The following TULP1 variants were observed in gnomAD, a reference collection of about 807,000 sequenced individuals.
TULP1 encodes the protein tubby-related protein 1.
A neutral mutation model predicts 67.1 loss-of-function variants in TULP1; 50 were observed. The ratio of observed to expected loss-of-function variants is 0.75; its 90% CI spans 0.59 to 0.94. TULP1 has a LOEUF of 0.94. Among genes scored for constraint, TULP1 ranks in the 40% least tolerant of loss-of-function variants. The pLI, the probability that TULP1 is intolerant of heterozygous loss-of-function variation, is 0.00. For missense variants in TULP1, 746 were observed against 734.1 expected (o/e 1.02, Z -0.19); for synonymous variants, 297 against 294.0 (o/e 1.01, Z -0.11).
intron 2 of TULP1, 90 bp downstream of exon 2, chr6:35,512,549 G>C (rs1761232492): frequency 7.7e-6 from 12 of 1,555,058 alleles, no homozygotes; most frequent in South Asian, 6.7e-5. Flanking sequence ...TGCTAAGGGG[G>C]ACCTGTCCCA....
rs201519151 is a variant in TULP1 at position 35,506,220 on chromosome 6, C to T, written c.829-47G>A. On this transcript the variant is annotated intron_variant, in intron 9 of 14. Transcript: ENST00000229771. ...ATCAGCCCCAGAGCACCAGCTCCCC[C>T]GCTCCCAGCAGGTCCCAGTGCTGAG... 132 of 1,610,220 alleles carry T rather than the reference C, an allele frequency of 8.2e-5. 1 individual carries two copies. The African/African-American group carries it at 1.4e-3, about 17-fold the overall frequency.
At chr6:35,512,013 ACCAACC>A (rs1176813227) in intron 3 of TULP1, 161 bp downstream of exon 3, 85 of 545,458 alleles carry the variant, frequency 1.6e-4, no homozygotes, top group Non-Finnish European at 1.8e-4. Context: ...CCCCTTCTAC[ACCAACC>A]CCAACCCCAA....
At chr6:35,508,273 C>T (rs973005058) in intron 8 of TULP1, among the ~76,000 whole-genome samples, 6 of 152,342 alleles carry the variant, frequency 3.9e-5, no homozygotes, top group East Asian at 1.9e-4. Flanking sequence ...GTTTGGAACA[C>T]GATGTGGAGA....
intron 4 of TULP1, 135 bp downstream of exon 4, chr6:35,511,513 A>T: frequency 7.2e-7 from 1 of 1,387,840 alleles, no homozygotes; most frequent in Non-Finnish European, 9.9e-7. Flanking sequence ...TACCTGGCTC[A>T]AAGATAAGGC....
chr6:35,503,522 C>T lies in TULP1; in HGVS notation c.1323+37G>A, dbSNP rs1194328461. Reference sequence around the variant, plus strand: ...GCTGAGCCCCGACTCCTGTTTCTCACATAGGGAGCCAGGGGCCAGGGAGGT... The same window carrying T: ...GCTGAGCCCCGACTCCTGTTTCTCATATAGGGAGCCAGGGGCCAGGGAGGT... On this transcript the variant is annotated intron_variant, in intron 13 of 14. Coordinates refer to ENST00000229771, the MANE Select transcript of TULP1 (RefSeq NM_003322.6). This position sits in a 1 kb window ranked among gnomAD's most constrained non-coding sequence, Gnocchi z 4.0. 1 of 1,545,848 alleles carries T rather than the reference C, an allele frequency of 6.5e-7. No homozygotes were observed. Among genetic ancestry groups the T allele is most frequent in the Non-Finnish European group, 8.8e-7 (1 of 1,142,218 alleles).
chr6:35,498,110 A>T lies in TULP1; in HGVS notation c.*217T>A, dbSNP rs1388865323. The T allele has an allele frequency of 1.4e-6, 1 of 718,214 alleles. No homozygotes were observed. Among genetic ancestry groups the T allele is most frequent in the Non-Finnish European group, 2.2e-6 (1 of 446,300 alleles). 44.5% of individuals were successfully genotyped at this position (718,214 alleles called of 1,614,324 possible). On this transcript the variant is annotated 3_prime_UTR_variant, in exon 15 of 15. Transcript: ENST00000229771. The surrounding 1 kb of genome is among the most constrained non-coding windows in gnomAD (Gnocchi z 6.7). The stretch of plus-strand genomic sequence containing the variant: ...ACCAGATGTGCGGCTCCAACTCCAG[A>T]TGTTCTTCATCTCCGTCCTACCCGC...
chr6:35,505,766 C>T lies in TULP1; in HGVS notation c.1087G>A (p.Gly363Arg), dbSNP rs1761067394. ...CTCAGCTTCCCGATGAAATTCTCCC[C>T]TCCTCGGGACAGATTGGTAGGGTCG... ...SIDPTNLSRG[G>R]ENFIGKLRSN... The change falls in exon 11 of 15, where the codon GGG (glycine) becomes AGG (arginine). Residue 363 changes from glycine (G) to arginine (R), a missense_variant. By Grantham distance (125) the Gly-to-Arg change is moderately radical. Coordinates refer to ENST00000229771, the MANE Select transcript of TULP1 (RefSeq NM_003322.6). 1.9e-6 allele frequency: 3 copies of T among 1,614,220 alleles called. No homozygotes were observed. Among genetic ancestry groups the T allele is most frequent in the African/African-American group, 2.7e-5 (2 of 75,052 alleles).
chr6:35,506,429 G>A, intron 8 of TULP1, 150 bp from the exon 9 acceptor site: 2 of 998,502 alleles, frequency 2.0e-6, no homozygotes, highest in South Asian at 2.8e-5. Flanking sequence ...ATTCTGCTTA[G>A]CTTGTGGATA....
rs1351264725 is a variant in TULP1, at chr6:35,503,046, TC to T, written c.1323+512del. Among the ~76,000 whole-genome samples the T allele has an allele frequency of 1.5e-4, 23 of 152,068 alleles. No individual in the cohort carries two copies. The highest frequency in any genetic ancestry group is 4.4e-5 in the Non-Finnish European group (3 of 68,020). Reference sequence around the variant, plus strand: ...TCCGCCTCCCAGGTTCACGCCATTCTCCTGCCTCAGCCTCCCAAGTAGCTGG... The same window carrying T: ...TCCGCCTCCCAGGTTCACGCCATTCTCTGCCTCAGCCTCCCAAGTAGCTGG... On this transcript the variant is annotated intron_variant, in intron 13 of 14. Coordinates refer to ENST00000229771, the MANE Select transcript of TULP1 (RefSeq NM_003322.6). This position sits in a 1 kb window ranked among gnomAD's most constrained non-coding sequence, Gnocchi z 4.0.
In TULP1 at chr6:35,503,848, C is replaced by G. The variant is rs1452630590; in HGVS notation, c.1113G>C (p.Arg371Ser). 1 of 1,605,550 alleles carries G rather than the reference C, an allele frequency of 6.2e-7. No individual in the cohort carries two copies. The highest frequency in any genetic ancestry group is 8.5e-7 in the Non-Finnish European group (1 of 1,178,434). Residue 371 changes from arginine (R) to serine (S), a missense_variant and splice_region_variant, in exon 12 of 15, where the codon AGG (arginine) becomes AGC (serine). Around this residue, in one of 3 missense-constraint regions of TULP1, gnomAD observed 383 missense variants for 374.1 expected, o/e 1.02. Transcript: ENST00000229771. The surrounding 1 kb of genome is among the most constrained non-coding windows in gnomAD (Gnocchi z 4.0). ...RGGENFIGKL[R>S]SNLLGNRFTV... is the part of the protein sequence containing the mutation. Reference sequence around the variant, plus strand: ...TGAAGCGGTTCCCCAGGAGGTTGGACCTGCAAGCAGGGTAGAGCTTGGGGT... The same window carrying G: ...TGAAGCGGTTCCCCAGGAGGTTGGAGCTGCAAGCAGGGTAGAGCTTGGGGT...
chr6:35,509,555 T>TA (rs767748410), intron 7 of TULP1, 79 bp downstream of exon 7: 74 of 1,421,804 alleles, frequency 5.2e-5, no homozygotes, highest in Non-Finnish European at 6.9e-5. Flanking sequence ...CACTGTCTTG[T>TA]ATGCTGTAAG....
In TULP1 at chr6:35,511,666, C is replaced by T. The variant is rs556979411; in HGVS notation, c.331G>A (p.Ala111Thr). The change falls in exon 4 of 15, where the codon GCC becomes ACC. Residue 111 changes from alanine to threonine, a missense_variant. Physicochemically the swap from Ala to Thr is moderately conservative, Grantham distance 58. Coordinates refer to ENST00000229771, the MANE Select transcript of TULP1 (RefSeq NM_003322.6). ...DPRETFLVARAPDAEDEEEEE... is the reference protein window; with the variant it reads ...DPRETFLVARTPDAEDEEEEE... ...CTCTCACCGTCCTCCGCGTCTGGGG[C>T]ACGGGCTACCAGAAAGGTTTCCCGG... The T allele has an allele frequency of 2.5e-6, 4 of 1,595,340 alleles. No homozygotes were observed. Among genetic ancestry groups the T allele is most frequent in the African/African-American group, 1.3e-5 (1 of 74,626 alleles).
chr6:35,504,887 C>T (rs1014812480), intron 11 of TULP1, among the ~76,000 whole-genome samples: 1 of 151,614 alleles, frequency 6.6e-6, no homozygotes, highest in African/African-American at 2.4e-5. Context: ...TAGAATCACA[C>T]CTGACACATA....
intron 7 of TULP1, 136 bp from the exon 8 acceptor site, chr6:35,509,448 G>T: frequency 9.1e-7 from 1 of 1,094,644 alleles, no homozygotes; most frequent in Non-Finnish European, 1.4e-6. Context: ...AGCCCAAAAA[G>T]GCTAAGACAC....
chr6:35,499,900 A>AG, intron 14 of TULP1, 81 bp downstream of exon 14: 1 of 1,480,662 alleles, frequency 6.8e-7, no homozygotes, highest in Non-Finnish European at 9.4e-7. Context: ...TGTGTGTGTG[A>AG]GGGGGTGAGG....
At chr6:35,506,356 T>C in intron 8 of TULP1, 77 bp from the exon 9 acceptor site, 1 of 1,540,278 alleles carries the variant, frequency 6.5e-7, no homozygotes, top group Non-Finnish European at 8.8e-7. Context: ...CTGCCCCTCA[T>C]GCTCCCTGGC....
rs1355415378 is a variant in TULP1, at chr6:35,498,227, C to A, written c.*100G>T. Reference sequence around the variant, plus strand: ...TGAGAGGTCAGCCCCGACACAGGAGCAGTTTTCCGCGGGAGCTTTGCTGGA... The same window carrying A: ...TGAGAGGTCAGCCCCGACACAGGAGAAGTTTTCCGCGGGAGCTTTGCTGGA... On this transcript the variant is annotated 3_prime_UTR_variant, in exon 15 of 15. Transcript: ENST00000229771. The surrounding 1 kb of genome is among the most constrained non-coding windows in gnomAD (Gnocchi z 6.7). 6 of 1,526,842 alleles carry A rather than the reference C, an allele frequency of 3.9e-6. No homozygotes were observed. In the Admixed American group the frequency reaches 9.6e-5, roughly 24 times the overall value. 94.6% of individuals were successfully genotyped at this position (1,526,842 alleles called of 1,614,324 possible). A position where few individuals can be genotyped will look rare whatever the true frequency, so the allele number is the denominator to read the frequency against.
In TULP1 at chr6:35,506,064, T is replaced by C. The variant is rs552106100; in HGVS notation, c.938A>G (p.Lys313Arg). The C allele has an allele frequency of 1.9e-6, 3 of 1,613,814 alleles. No individual in the cohort carries two copies. Among genetic ancestry groups the C allele is most frequent in the Admixed American group, 3.3e-5 (2 of 60,024 alleles). Residue 313 changes from lysine (K) to arginine (R), a missense_variant, in exon 10 of 15, where the codon AAA (lysine) becomes AGA (arginine). Physicochemically the swap from Lys to Arg is conservative, Grantham distance 26. This residue lies in a region of TULP1 where 383 missense variants were observed against 374.1 expected (regional missense o/e 1.02). Transcript: ENST00000229771. ...ATACATGCCTCGATCCATGCCCTTT[T>C]TGTCCCGGGTCAGCCGGCAGCGCAC... The part of the protein sequence containing the change: ...RTVRCRLTRD[K>R]KGMDRGMYPS...
At position 35,509,948 on chromosome 6, in the gene TULP1, G is replaced by A. The variant is rs753754711; in HGVS notation, c.500-20C>T. 1.9e-6 allele frequency: 3 copies of A among 1,611,680 alleles called. No individual in the cohort carries two copies. Among genetic ancestry groups the A allele is most frequent in the African/African-American group, 2.7e-5 (2 of 74,876 alleles). ...GGTCTCCTGGAAATGGAAGATGGGG[G>A]TCAGGCAAAGAAGGTGTCTACTGGG... On this transcript the variant is annotated intron_variant, in intron 5 of 14. Transcript: ENST00000229771.
Sources: gnomAD v4.1 joint callset for allele counts (sites outside exome capture counted in the v4.1 genomes callset) on GRCh38, gnomAD v4.1.1 for gene constraint, gnomAD v4.1.1 regional missense constraint, Gnocchi (gnomAD v3.1) non-coding constraint, MANE v1.5 for transcripts, NCBI Gene and HGNC (gene_info 2026-07-23, HGNC 2026-07-21) for gene names.